A2ML1: variants seen among roughly 807,000 people sequenced by gnomAD.
The protein encoded by A2ML1 is alpha-2-macroglobulin-like protein 1.
A neutral mutation model predicts 181.9 loss-of-function variants in A2ML1; 161 were observed. The ratio of observed to expected loss-of-function variants is 0.89; its 90% CI spans 0.78 to 1.01. The LOEUF is 1.01. Ranked by LOEUF, A2ML1 falls within the 50% of genes least tolerant of loss-of-function variation. A2ML1 has a pLI of 0.00. For synonymous variants in A2ML1, 663 were observed against 666.8 expected, an observed-to-expected ratio of 0.99 and a Z score of 0.09; for missense variants, 1,670 against 1,768.1, an observed-to-expected ratio of 0.94 and a Z score of 1.00.
chr12:8,873,910 C>T (rs1213432819), intron 33 of A2ML1, among the ~76,000 whole-genome samples: 3 of 151,968 alleles, frequency 2.0e-5, no homozygotes, highest in Non-Finnish European at 4.4e-5. Flanking sequence ...GCTGTAAGAT[C>T]CTAAGAAGAA....
In A2ML1 at chr12:8,868,258, C is replaced by T. The variant is rs190379856; in HGVS notation, c.3962C>T (p.Pro1321Leu). ...QTVLRYNILPPTNMKTFSLSV... is the reference protein window; with the variant it reads ...QTVLRYNILPLTNMKTFSLSV... ...GTGTTGAGATACAATATTCTCCCTC[C>T]CACAAATATGAAGACCTTTAGTCTT... The change falls in exon 31 of 36, where the codon CCC (proline) becomes CTC (leucine). Residue 1321 changes from proline (P) to leucine (L), a missense_variant. By Grantham distance (98) the Pro-to-Leu change is moderately conservative. Transcript: ENST00000299698. 31 of 1,613,754 alleles carry T rather than the reference C, an allele frequency of 1.9e-5. No individual in the cohort carries two copies. In the East Asian group the frequency reaches 6.7e-4, roughly 35 times the overall value.
intron 3 of A2ML1, among the ~76,000 whole-genome samples, chr12:8,824,222 GTTTTTTTTTTTTT>G (rs34400836): frequency 3.2e-5 from 3 of 92,310 alleles, no homozygotes; most frequent in African/African-American, 1.3e-4. Context: ...AGCTACTGGG[GTTTTTTTTTTTTT>G]TTTTTTTTTT....
intron 4 of A2ML1, among the ~76,000 whole-genome samples, chr12:8,830,083 G>A (rs151297620): frequency 5.3e-5 from 8 of 152,152 alleles, no homozygotes; most frequent in East Asian, 1.9e-4. Context: ...ACAGAGTCTC[G>A]CTCTGTGGCC....
intron 2 of A2ML1, 104 bp downstream of exon 2, chr12:8,823,469 G>T: frequency 1.5e-6 from 2 of 1,341,960 alleles, no homozygotes; most frequent in Non-Finnish European, 2.0e-6. Flanking sequence ...CTTTTGCCAC[G>T]GCCTCTAAAC....
chr12:8,827,583 T>C (rs1942970743), intron 3 of A2ML1, among the ~76,000 whole-genome samples: 1 of 152,242 alleles, frequency 6.6e-6, no homozygotes. Flanking sequence ...TATCTTTGTT[T>C]CTGGGAGATT....
intron 33 of A2ML1, among the ~76,000 whole-genome samples, chr12:8,872,214 G>T (rs550882925): frequency 1.1e-4 from 16 of 150,976 alleles, no homozygotes; most frequent in Non-Finnish European, 1.8e-4. Context: ...TGCTACCCCA[G>T]CTTTCTTTTG....
Position 8,874,983 on chromosome 12 carries a change from C to CA in A2ML1, c.4339dup (p.Ile1447AsnfsTer5). ...TTTCATTTCACAGATGAACAGGCAA[C>CA]AATTCAGTATTCTGATCCCTGTGAA... On this transcript the variant is annotated frameshift_variant, in exon 35 of 36. Transcript: ENST00000299698. LOFTEE classifies it high-confidence loss of function. 1.9e-6 allele frequency: 3 copies of CA among 1,614,092 alleles called. No homozygotes were observed. Among genetic ancestry groups the CA allele is most frequent in the Non-Finnish European group, 2.5e-6 (3 of 1,179,972 alleles).
At chr12:8,870,428 C>T (rs2110074) in intron 33 of A2ML1, among the ~76,000 whole-genome samples, 109,641 of 151,980 alleles carry the variant, frequency 0.72, 40,105 homozygotes, top group Middle Eastern at 0.87. Context: ...CCACCATGCC[C>T]GGCTAATTTT....
chr12:8,838,249 T>G (rs1442155728), intron 8 of A2ML1, 87 bp from the exon 9 acceptor site: 4 of 893,380 alleles, frequency 4.5e-6, no homozygotes, highest in Admixed American at 4.6e-5. Flanking sequence ...GATGAGAAAT[T>G]ATTTCCTTCT....
At chr12:8,872,381 T>C (rs1397319029) in intron 33 of A2ML1, among the ~76,000 whole-genome samples, 2 of 152,088 alleles carry the variant, frequency 1.3e-5, no homozygotes, top group African/African-American at 4.8e-5. Context: ...TATTGGTCTT[T>C]ATCATATTAG....
downstream of A2ML1, among the ~76,000 whole-genome samples, chr12:8,878,063 G>A (rs1461345313): frequency 5.9e-5 from 9 of 152,106 alleles, no homozygotes; most frequent in Non-Finnish European, 1.5e-5. This position sits in a 1 kb window ranked among gnomAD's most constrained non-coding sequence, Gnocchi z 4.4. Flanking sequence ...AGCACTTTGG[G>A]AGGCCGAGGT....
chr12:8,844,261 CT>C lies in A2ML1; in HGVS notation c.1476+915del, dbSNP rs376853548. Among the ~76,000 whole-genome samples, 577 of 139,350 alleles carry C rather than the reference CT, an allele frequency of 4.1e-3. 2 individuals carry two copies. Among genetic ancestry groups the C allele is most frequent in the South Asian group, 0.016 (68 of 4,338 alleles). 91.4% of individuals were successfully genotyped at this position (139,350 alleles called of 152,430 possible). ...GTGGGGAGGGATGGGACTCAGGATA[CT>C]TTTTTTTTTTTTTTAATTTATATGA... On this transcript the variant is annotated intron_variant, in intron 12 of 35. Coordinates refer to ENST00000299698, the MANE Select transcript of A2ML1 (RefSeq NM_144670.6).
intron 28 of A2ML1, among the ~76,000 whole-genome samples, chr12:8,861,633 G>A (rs998866852): frequency 2.6e-5 from 4 of 151,754 alleles, no homozygotes; most frequent in Admixed American, 6.6e-5. Context: ...GACTACAGGC[G>A]CCCACCACCA....
chr12:8,847,565 C>T lies in A2ML1; in HGVS notation c.1700C>T (p.Ser567Phe). ...CTTCCCCAGGTTTCCCTTGGCTTCT[C>T]CCCCTCCCAGCAGCTTCCAGGAGCA... The part of the protein sequence containing the change: ...CFDNQVSLGF[S>F]PSQQLPGAEV... The change falls in exon 15 of 36, where the codon TCC becomes TTC. Residue 567 changes from serine (S) to phenylalanine (F), a missense_variant. Physicochemically the swap from Ser to Phe is radical, Grantham distance 155. Transcript: ENST00000299698. The T allele has an allele frequency of 6.2e-7, 1 of 1,610,840 alleles. No homozygotes were observed.
At position 8,874,372 on chromosome 12, in the gene A2ML1, A is replaced by G. The variant is rs1486500432; in HGVS notation, c.4222-53A>G. ...GGGTCTTTTATTCCACATTGCATAC[A>G]GTGTAATTTTCATTTTACTTCTAAG... is the stretch of plus-strand genomic sequence containing the variant. On this transcript the variant is annotated intron_variant, in intron 33 of 35. Coordinates refer to ENST00000299698, the MANE Select transcript of A2ML1 (RefSeq NM_144670.6). The G allele has an allele frequency of 4.5e-5, 62 of 1,362,884 alleles. No homozygotes were observed. The East Asian group carries it at 1.4e-3, about 31-fold the overall frequency. The allele number at this position is 1,362,884 out of a possible 1,614,324, so 84.4% of individuals were successfully genotyped here. A position where few individuals can be genotyped will look rare whatever the true frequency, so the allele number is the denominator to read the frequency against.
intron 35 of A2ML1, 104 bp from the exon 36 acceptor site, chr12:8,875,953 GA>G (rs1944788720): frequency 1.3e-5 from 2 of 152,084 alleles, no homozygotes; most frequent in African/African-American, 2.4e-5. Context: ...GCATTTGTGA[GA>G]TTTTTTTGTA....
At chr12:8,863,250 G>T (rs1176812655) in intron 28 of A2ML1, among the ~76,000 whole-genome samples, 1 of 152,026 alleles carries the variant, frequency 6.6e-6, no homozygotes, top group East Asian at 1.9e-4. Flanking sequence ...GGGATTAGAG[G>T]CACGCGCCAC....
chr12:8,860,900 T>C lies in A2ML1; in HGVS notation c.3284T>C (p.Val1095Ala). ...CTCTAGGGTGGTGTTGATGATGAGG[T>C]CTCCTTGACTGCGTATGTCACAGCT... ...TAMKGGVDDE[V>A]SLTAYVTAAL... Residue 1095 changes from valine to alanine, a missense_variant, in exon 27 of 36, where the codon GTC (valine) becomes GCC (alanine). Val to Ala is a moderately conservative substitution (Grantham distance 64). Transcript: ENST00000299698. 9.9e-6 allele frequency: 16 copies of C among 1,614,074 alleles called. No individual in the cohort carries two copies. Among genetic ancestry groups the C allele is most frequent in the Non-Finnish European group, 1.4e-5 (16 of 1,180,006 alleles).
In A2ML1 at chr12:8,850,117, A is replaced by T. The variant is rs750165488; in HGVS notation, c.2120-43A>T. The T allele has an allele frequency of 4.7e-5, 67 of 1,440,158 alleles. No homozygotes were observed. In the South Asian group the frequency reaches 4.7e-4, roughly 10 times the overall value. 89.2% of individuals were successfully genotyped at this position (1,440,158 alleles called of 1,614,324 possible). Reference sequence around the variant, plus strand: ...CATCCCAATTTATGTCACAACAAGAAGTCTCCTGTTTCCTAAAGTTTTCGT... The same window carrying T: ...CATCCCAATTTATGTCACAACAAGATGTCTCCTGTTTCCTAAAGTTTTCGT... On this transcript the variant is annotated intron_variant, in intron 17 of 35. Coordinates refer to ENST00000299698, the MANE Select transcript of A2ML1 (RefSeq NM_144670.6).
Sources: gnomAD v4.1 joint callset for allele counts (sites outside exome capture counted in the v4.1 genomes callset) on GRCh38, gnomAD v4.1.1 for gene constraint, Gnocchi (gnomAD v3.1) non-coding constraint, MANE v1.5 for transcripts, NCBI Gene and HGNC (gene_info 2026-07-23, HGNC 2026-07-21) for gene names.